SINHCAF: variants seen among roughly 807,000 people sequenced by gnomAD.
SINHCAF encodes the protein SIN3-HDAC complex associated factor, also known as SIN3-HDAC complex-associated factor.
Under a neutral mutation model 25.8 loss-of-function variants are expected in SINHCAF, and 3 were observed. That is an observed-to-expected ratio of 0.12 (90% CI 0.05 to 0.30). The LOEUF is 0.30. SINHCAF is among the 10% of genes least tolerant of loss of function. SINHCAF has a pLI of 1.00. For missense variants in SINHCAF, 121 were observed against 262.3 expected (o/e 0.46, Z 3.72); for synonymous variants, 70 against 85.5 (o/e 0.82, Z 1.00).
At chr12:31,290,628 C>G (rs909476979) in intron 4 of SINHCAF, among the ~76,000 whole-genome samples, 4 of 152,164 alleles carry the variant, frequency 2.6e-5, no homozygotes, top group Non-Finnish European at 5.9e-5. Context: ...CAACAGACAC[C>G]TCTATGCTGC....
At chr12:31,282,945 A>G in intron 5 of SINHCAF, 74 bp from the exon 6 acceptor site, 1 of 1,139,608 alleles carries the variant, frequency 8.8e-7, no homozygotes, top group Admixed American at 2.5e-5. Flanking sequence ...TCTACTCACT[A>G]TTATAACTAG....
In SINHCAF at chr12:31,324,201, C is replaced by T. The variant is rs1027893524; in HGVS notation, c.-21+1823G>A. On this transcript the variant is annotated intron_variant, in intron 1 of 5. Coordinates refer to ENST00000337682, the MANE Select transcript of SINHCAF (RefSeq NM_001135812.2). This position sits in a 1 kb window ranked among gnomAD's most constrained non-coding sequence, Gnocchi z 5.5. ...GCCCGGCCCGGCGCCTCCCGCAGGCCGCGCCTCCCGCACGCCGCGCTGCCG... is the reference window on the plus strand; with the variant it reads ...GCCCGGCCCGGCGCCTCCCGCAGGCTGCGCCTCCCGCACGCCGCGCTGCCG... The T allele has an allele frequency of 1.5e-5, 3 of 206,446 alleles. No individual in the cohort carries two copies. Among genetic ancestry groups the T allele is most frequent in the African/African-American group, 2.4e-5 (1 of 41,746 alleles). The allele number at this position is 206,446 out of a possible 1,614,324, so 12.8% of individuals were successfully genotyped here.
intron 4 of SINHCAF, among the ~76,000 whole-genome samples, chr12:31,291,720 G>A (rs967085092): frequency 3.3e-5 from 5 of 151,738 alleles, no homozygotes; most frequent in South Asian, 4.2e-4. Flanking sequence ...GCTGAGATCC[G>A]TGCCACTGCA....
chr12:31,315,982 A>G lies in SINHCAF; in HGVS notation c.-21+10042T>C, dbSNP rs145482663. 6.0e-3 allele frequency among the ~76,000 whole-genome samples: 920 copies of G among 152,232 alleles called. 13 individuals carry two copies. The highest frequency in any genetic ancestry group is 0.021 in the African/African-American group (873 of 41,538). ...GGAGTTTGAGACCAGCCTGACCAACATGACGCAACCCTGTCTCTACTAAAT... is the reference window on the plus strand; with the variant it reads ...GGAGTTTGAGACCAGCCTGACCAACGTGACGCAACCCTGTCTCTACTAAAT... On this transcript the variant is annotated intron_variant, in intron 1 of 5. Coordinates refer to ENST00000337682, the MANE Select transcript of SINHCAF (RefSeq NM_001135812.2).
chr12:31,297,012 C>T (rs1020277959), intron 2 of SINHCAF: 2 of 442,322 alleles, frequency 4.5e-6, no homozygotes, highest in African/African-American at 2.0e-5. Context: ...AGCTACTGCA[C>T]TCCAGCCTAG....
At chr12:31,301,209 C>T (rs1938778441) in intron 1 of SINHCAF, among the ~76,000 whole-genome samples, 1 of 152,124 alleles carries the variant, frequency 6.6e-6, no homozygotes, top group Non-Finnish European at 1.5e-5. Context: ...ATTAAGTGTT[C>T]CTCTTCAATG....
chr12:31,324,253 C>A lies in SINHCAF; in HGVS notation c.-21+1771G>T. The A allele has an allele frequency of 1.6e-5, 3 of 186,676 alleles. No homozygotes were observed. Among genetic ancestry groups the A allele is most frequent in the Non-Finnish European group, 3.2e-5 (3 of 93,754 alleles). 11.6% of individuals were successfully genotyped at this position (186,676 alleles called of 1,614,324 possible). A position where few individuals can be genotyped will look rare whatever the true frequency, so the allele number is the denominator to read the frequency against. On this transcript the variant is annotated intron_variant, in intron 1 of 5. Coordinates refer to ENST00000337682, the MANE Select transcript of SINHCAF (RefSeq NM_001135812.2). The surrounding 1 kb of genome is among the most constrained non-coding windows in gnomAD (Gnocchi z 5.5). The stretch of plus-strand genomic sequence containing the variant: ...GGCTTGTTCCTCCTCATGGCTTTGC[C>A]CTGACGTAATTCAAACATGGCAACA...
intron 1 of SINHCAF, chr12:31,312,118 C>T: frequency 2.3e-6 from 1 of 440,140 alleles, no homozygotes; most frequent in Non-Finnish European, 4.4e-6. Flanking sequence ...CATTTATCAC[C>T]ATCAATTGGT....
At chr12:31,310,494 G>A (rs1329192568) in intron 1 of SINHCAF, among the ~76,000 whole-genome samples, 42 of 152,188 alleles carry the variant, frequency 2.8e-4, no homozygotes, top group Admixed American at 2.7e-3. Context: ...TTGTAGTAGT[G>A]ACAGACAAGG....
At chr12:31,307,979 T>G (rs532328684) in intron 1 of SINHCAF, among the ~76,000 whole-genome samples, 78 of 152,296 alleles carry the variant, frequency 5.1e-4, no homozygotes, top group African/African-American at 1.7e-3. Flanking sequence ...CAACAGACTC[T>G]TGCTCTGTCA....
intron 4 of SINHCAF, among the ~76,000 whole-genome samples, chr12:31,291,851 G>C (rs1938342711): frequency 6.6e-6 from 1 of 151,686 alleles, no homozygotes; most frequent in Admixed American, 6.6e-5. Context: ...CACATAACCA[G>C]AAGCACAGAC....
chr12:31,306,527 T>A (rs967898848), intron 1 of SINHCAF, among the ~76,000 whole-genome samples: 3 of 152,176 alleles, frequency 2.0e-5, no homozygotes, highest in African/African-American at 7.2e-5. Context: ...TCCAGGTAGA[T>A]CTTTCTTCGA....
chr12:31,297,608 GACT>G (rs1938603897), intron 2 of SINHCAF, among the ~76,000 whole-genome samples: 1 of 151,478 alleles, frequency 6.6e-6, no homozygotes, highest in South Asian at 2.1e-4. Context: ...GAGTAACTGG[GACT>G]ACAAGTGTGC....
intron 1 of SINHCAF, among the ~76,000 whole-genome samples, chr12:31,301,181 A>G (rs1444227942): frequency 6.6e-6 from 1 of 152,218 alleles, no homozygotes; most frequent in Non-Finnish European, 1.5e-5. Context: ...CTTTCTTTTT[A>G]ATCAGCAGCC....
chr12:31,297,148 A>C, intron 2 of SINHCAF: 1 of 328,230 alleles, frequency 3.0e-6, no homozygotes, highest in Non-Finnish European at 6.2e-6. Flanking sequence ...TTAATCCTGG[A>C]CTTTTTAACT....
intron 1 of SINHCAF, among the ~76,000 whole-genome samples, chr12:31,313,200 T>C (rs1939348871): frequency 6.6e-6 from 1 of 150,872 alleles, no homozygotes. Context: ...ATTTTTTTTT[T>C]GTATTTTTAG....
rs1425509518 is a variant in SINHCAF at position 31,325,197 on chromosome 12, G to A, written c.-21+827C>T. The A allele has an allele frequency of 2.2e-6, 1 of 456,594 alleles. No homozygotes were observed. Among genetic ancestry groups the A allele is most frequent in the East Asian group, 6.9e-5 (1 of 14,392 alleles). The allele number at this position is 456,594 out of a possible 1,614,324, so 28.3% of individuals were successfully genotyped here. On this transcript the variant is annotated intron_variant, in intron 1 of 5. Transcript: ENST00000337682. This position sits in a 1 kb window ranked among gnomAD's most constrained non-coding sequence, Gnocchi z 5.9. ...ATAAACGGGAAGCCCTCGCGGTGTCGCCCACACCTACGCTACAGGTGAACG... is the reference window on the plus strand; with the variant it reads ...ATAAACGGGAAGCCCTCGCGGTGTCACCCACACCTACGCTACAGGTGAACG...
chr12:31,306,607 C>T lies in SINHCAF; in HGVS notation c.-20-8383G>A, dbSNP rs139970816. Among the ~76,000 whole-genome samples the T allele has an allele frequency of 8.5e-4, 129 of 152,256 alleles. 2 individuals carry two copies. Among genetic ancestry groups the T allele is most frequent in the African/African-American group, 2.7e-3 (112 of 41,526 alleles). Reference sequence around the variant, plus strand: ...TAAGTCTCACAGTCATTCCAAGGATCGGACTGGTGTCTCAAATGCAGCACT... The same window carrying T: ...TAAGTCTCACAGTCATTCCAAGGATTGGACTGGTGTCTCAAATGCAGCACT... On this transcript the variant is annotated intron_variant, in intron 1 of 5. Transcript: ENST00000337682.
intron 5 of SINHCAF, among the ~76,000 whole-genome samples, chr12:31,284,581 A>G (rs1319585559): frequency 6.6e-6 from 1 of 151,980 alleles, no homozygotes; most frequent in Admixed American, 6.6e-5. Context: ...GTCATAATCT[A>G]TTTTCTACTT....
Sources: allele counts gnomAD v4.1 joint callset (sites outside exome capture counted in the v4.1 genomes callset), GRCh38; gene constraint gnomAD v4.1.1; non-coding constraint Gnocchi (gnomAD v3.1); transcripts MANE v1.5; gene names NCBI Gene and HGNC (gene_info 2026-07-23, HGNC 2026-07-21).